EPB41L3: variants seen among roughly 807,000 people sequenced by gnomAD.
EPB41L3 encodes the protein band 4.1-like protein 3.
A neutral mutation model predicts 127.1 loss-of-function variants in EPB41L3; 57 were observed. The ratio of observed to expected loss-of-function variants is 0.45; its 90% CI spans 0.36 to 0.56. The LOEUF is 0.56. Ranked by LOEUF, EPB41L3 falls within the 20% of genes least tolerant of loss-of-function variation. EPB41L3 has a pLI of 0.00. For synonymous variants in EPB41L3, 572 were observed against 549.5 expected, an observed-to-expected ratio of 1.04 and a Z score of -0.57; for missense variants, 1,273 against 1,372.2, an observed-to-expected ratio of 0.93 and a Z score of 1.14.
chr18:5,622,792 G>A (rs1353948345), intron 1 of EPB41L3, among the ~76,000 whole-genome samples: 4 of 152,124 alleles, frequency 2.6e-5, no homozygotes, highest in Admixed American at 1.3e-4. Context: ...AGAATGCTGT[G>A]ACTATTAGGG....
intron 1 of EPB41L3, among the ~76,000 whole-genome samples, chr18:5,617,277 C>T (rs2094806264): frequency 6.6e-6 from 1 of 151,740 alleles, no homozygotes; most frequent in South Asian, 2.1e-4. Flanking sequence ...GAAAATACAA[C>T]AACCTGTATT....
At chr18:5,528,191 A>G (rs2093296605) in intron 1 of EPB41L3, among the ~76,000 whole-genome samples, 1 of 152,146 alleles carries the variant, frequency 6.6e-6, no homozygotes, top group Admixed American at 6.5e-5. Context: ...TATTTGAGAC[A>G]GGATCTTGCT....
At chr18:5,540,747 G>C (rs2093694561) in intron 1 of EPB41L3, among the ~76,000 whole-genome samples, 1 of 152,164 alleles carries the variant, frequency 6.6e-6, no homozygotes, top group Non-Finnish European at 1.5e-5. Flanking sequence ...GGGGTACTTA[G>C]GGGAGACTAT....
chr18:5,464,874 T>G (rs2084678968), intron 3 of EPB41L3, among the ~76,000 whole-genome samples: 1 of 152,176 alleles, frequency 6.6e-6, no homozygotes, highest in South Asian at 2.1e-4. Context: ...AGGGTTGACT[T>G]CCTCAGATCC....
intron 1 of EPB41L3, among the ~76,000 whole-genome samples, chr18:5,619,237 T>G (rs1032617992): frequency 6.6e-6 from 1 of 152,156 alleles, no homozygotes; most frequent in African/African-American, 2.4e-5. Flanking sequence ...CACATTTCAC[T>G]CTGATTAGTT....
chr18:5,492,149 G>A (rs2090671100), intron 1 of EPB41L3, among the ~76,000 whole-genome samples: 1 of 152,092 alleles, frequency 6.6e-6, no homozygotes. Flanking sequence ...GTAAAACCCT[G>A]TCTCTACTAA....
Position 5,480,285 on chromosome 18 carries a change from A to T in EPB41L3, c.184-1847T>A, listed in dbSNP as rs528732884. Among the ~76,000 whole-genome samples the T allele has an allele frequency of 2.0e-5, 3 of 152,316 alleles. No homozygotes were observed. In the South Asian group the frequency reaches 6.2e-4, roughly 32 times the overall value. Reference sequence around the variant, plus strand: ...GCCCTTACATACATTTTTTAAAAAAACTTTAAGAACTCAAAAATAGCAGAC... The same window carrying T: ...GCCCTTACATACATTTTTTAAAAAATCTTTAAGAACTCAAAAATAGCAGAC... On this transcript the variant is annotated intron_variant, in intron 2 of 22. Coordinates refer to ENST00000341928, the MANE Select transcript of EPB41L3 (RefSeq NM_012307.5).
At chr18:5,569,587 C>T (rs1282820242) in intron 3 of EPB41L3, among the ~76,000 whole-genome samples, 9 of 152,112 alleles carry the variant, frequency 5.9e-5, no homozygotes, top group African/African-American at 1.2e-4. Flanking sequence ...GTTGGTAACA[C>T]GCTGGTGACT....
chr18:5,399,673 T>C (rs961441682), intron 16 of EPB41L3: 1 of 255,076 alleles, frequency 3.9e-6, no homozygotes, highest in Non-Finnish European at 7.3e-6. Flanking sequence ...TATGATAAAT[T>C]TTGGATCATT....
intron 5 of EPB41L3, among the ~76,000 whole-genome samples, chr18:5,443,295 AT>A (rs2081042973): frequency 6.6e-6 from 1 of 152,236 alleles, no homozygotes; most frequent in Non-Finnish European, 1.5e-5. Context: ...TGTCATTTTA[AT>A]TTGCATTTAA....
At position 5,427,340 on chromosome 18, in the gene EPB41L3, T is replaced by G. The variant is rs574852251; in HGVS notation, c.1065+973A>C. Among the ~76,000 whole-genome samples the G allele has an allele frequency of 2.0e-5, 3 of 152,284 alleles. No individual in the cohort carries two copies. In the South Asian group the frequency reaches 6.2e-4, roughly 32 times the overall value. ...TATACTAACCATACCAATTAGAAAT[T>G]TGAGGTATTTATTAACTATCTCTTA... On this transcript the variant is annotated intron_variant, in intron 9 of 22. Transcript: ENST00000341928.
rs1265457248 is a variant in EPB41L3, at chr18:5,489,083, G to C, written c.101C>G (p.Pro34Arg). The C allele has an allele frequency of 1.9e-6, 3 of 1,593,480 alleles. No individual in the cohort carries two copies. The highest frequency in any genetic ancestry group is 1.7e-6 in the Non-Finnish European group (2 of 1,174,144). ...CTGCTGCTCCTCCTTGGGCGGCTCCGGCACGGGCGCCCCCGCGCGCCCCTG... is the reference window on the plus strand; with the variant it reads ...CTGCTGCTCCTCCTTGGGCGGCTCCCGCACGGGCGCCCCCGCGCGCCCCTG... Reference protein sequence around the residue: ...GAQGRAGAPVPEPPKEEQQQA... With the variant: ...GAQGRAGAPVREPPKEEQQQA... The change falls in exon 2 of 23, where the codon CCG (proline) becomes CGG (arginine). Residue 34 changes from proline (P) to arginine (R), a missense_variant. Pro to Arg is a moderately radical substitution (Grantham distance 103). Coordinates refer to ENST00000341928, the MANE Select transcript of EPB41L3 (RefSeq NM_012307.5).
chr18:5,597,345 A>G (rs114465085), intron 3 of EPB41L3, among the ~76,000 whole-genome samples: 1,775 of 151,924 alleles, frequency 0.012, 27 homozygotes, highest in African/African-American at 0.035. Flanking sequence ...GCTTCAGGAC[A>G]CTCCCTTAGG....
At position 5,530,698 on chromosome 18, in the gene EPB41L3, C is replaced by T. The variant is rs115020077; in HGVS notation, c.-12+13215G>A. 8.3e-3 allele frequency among the ~76,000 whole-genome samples: 1,261 copies of T among 152,264 alleles called. 20 individuals carry two copies. The highest frequency in any genetic ancestry group is 0.029 in the African/African-American group (1,219 of 41,538). On this transcript the variant is annotated intron_variant, in intron 1 of 22. Coordinates refer to ENST00000341928, the MANE Select transcript of EPB41L3 (RefSeq NM_012307.5). ...CTATCCAGCTCTCCCCCTTCTCCAC[C>T]GCATGGCTCCTGGTCATCTTTAGGT... is the stretch of plus-strand genomic sequence containing the variant.
At chr18:5,582,624 A>G (rs973183807) in intron 3 of EPB41L3, among the ~76,000 whole-genome samples, 1 of 152,226 alleles carries the variant, frequency 6.6e-6, no homozygotes, top group Admixed American at 6.5e-5. Flanking sequence ...TAACACAGAG[A>G]ACATGAGTGC....
rs749768790 is a variant in EPB41L3, at chr18:5,489,086, A to G, written c.98T>C (p.Val33Ala). ...AGAQGRAGAP[V>A]PEPPKEEQQQ... Reference sequence around the variant, plus strand: ...CTGCTCCTCCTTGGGCGGCTCCGGCACGGGCGCCCCCGCGCGCCCCTGCGC... The same window carrying G: ...CTGCTCCTCCTTGGGCGGCTCCGGCGCGGGCGCCCCCGCGCGCCCCTGCGC... Residue 33 changes from valine (V) to alanine (A), a missense_variant, in exon 2 of 23, where the codon GTG (valine) becomes GCG (alanine). By Grantham distance (64) the Val-to-Ala change is moderately conservative. Transcript: ENST00000341928. The G allele has an allele frequency of 4.4e-6, 7 of 1,594,806 alleles. No individual in the cohort carries two copies. The East Asian group carries it at 1.6e-4, about 36-fold the overall frequency.
chr18:5,561,044 C>T (rs2094123235), intron 3 of EPB41L3, among the ~76,000 whole-genome samples: 2 of 143,986 alleles, frequency 1.4e-5, no homozygotes, highest in African/African-American at 5.3e-5. Context: ...GTGGCGCGAT[C>T]GCGGCTCACT....
chr18:5,540,379 T>C (rs1487391323), intron 1 of EPB41L3: 11 of 985,338 alleles, frequency 1.1e-5, no homozygotes, highest in African/African-American at 1.7e-5. Context: ...GTCTCATTGA[T>C]TGATCAGGCA....
At chr18:5,512,183 T>A (rs1350504805) in intron 1 of EPB41L3, among the ~76,000 whole-genome samples, 1 of 152,158 alleles carries the variant, frequency 6.6e-6, no homozygotes, top group African/African-American at 2.4e-5. Context: ...TAAATTCCCA[T>A]CCTCAAAAAC....
Sources: gnomAD v4.1 joint callset for allele counts (sites outside exome capture counted in the v4.1 genomes callset) on GRCh38, gnomAD v4.1.1 for gene constraint, MANE v1.5 for transcripts, NCBI Gene and HGNC (gene_info 2026-07-23, HGNC 2026-07-21) for gene names.